Variants in DNAJC12 observed in about 807,000 individuals in gnomAD.
DNAJC12 encodes the protein dnaJ homolog subfamily C member 12.
Under a neutral mutation model 28.5 loss-of-function variants are expected in DNAJC12, and 25 were observed. That is an observed-to-expected ratio of 0.88 (90% CI 0.64 to 1.22). DNAJC12 has a LOEUF of 1.22. DNAJC12 is among the 50% of genes most tolerant of loss of function. DNAJC12 has a pLI of 0.00. For missense variants in DNAJC12, 222 were observed against 231.7 expected (o/e 0.96, Z 0.27); for synonymous variants, 77 against 80.6 (o/e 0.95, Z 0.24).
At chr10:67,821,006 C>T (rs1000914077) in intron 2 of DNAJC12, among the ~76,000 whole-genome samples, 2 of 151,500 alleles carry the variant, frequency 1.3e-5, no homozygotes, top group Non-Finnish European at 2.9e-5. Context: ...TGGTCTCGAA[C>T]TCCCGACCTC....
intron 4 of DNAJC12, among the ~76,000 whole-genome samples, chr10:67,799,312 G>A (rs1431608164): frequency 1.3e-5 from 2 of 152,072 alleles, no homozygotes; most frequent in African/African-American, 4.8e-5. Flanking sequence ...ACTTTTTAAA[G>A]AATTATTGGA....
intron 3 of DNAJC12, among the ~76,000 whole-genome samples, chr10:67,807,048 T>C (rs1841809818): frequency 6.6e-6 from 1 of 151,884 alleles, no homozygotes; most frequent in South Asian, 2.1e-4. Context: ...GATCACAAGG[T>C]CAGGAGTTCC....
intron 2 of DNAJC12, among the ~76,000 whole-genome samples, chr10:67,814,492 CA>C (rs775624906): frequency 2.0e-5 from 3 of 151,408 alleles, no homozygotes; most frequent in African/African-American, 4.8e-5. Context: ...GCACAAGCAA[CA>C]AAAGAAGAAA....
chr10:67,800,416 C>T, intron 4 of DNAJC12, among the ~76,000 whole-genome samples: 1 of 152,128 alleles, frequency 6.6e-6, no homozygotes. Flanking sequence ...AGTTATCTCA[C>T]ATGAGGGGTG....
rs1841794143 is a variant in DNAJC12 at position 67,805,738 on chromosome 10, G to C, written c.347C>G (p.Ser116Cys). ...RGKKDLMLEE[S>C]DKTHTTKMEN... Reference sequence around the variant, plus strand: ...CATCTTGGTGGTATGAGTCTTGTCAGATTCTTCCAGCATCAGGTCTTTTTT... The same window carrying C: ...CATCTTGGTGGTATGAGTCTTGTCACATTCTTCCAGCATCAGGTCTTTTTT... Residue 116 changes from serine (S) to cysteine (C), a missense_variant, in exon 4 of 5, where the codon TCT (serine) becomes TGT (cysteine). Ser to Cys is a moderately radical substitution (Grantham distance 112). Coordinates refer to ENST00000225171, the MANE Select transcript of DNAJC12 (RefSeq NM_021800.3). The C allele has an allele frequency of 6.2e-7, 1 of 1,610,346 alleles. No individual in the cohort carries two copies. Among genetic ancestry groups the C allele is most frequent in the South Asian group, 1.1e-5 (1 of 90,140 alleles).
chr10:67,819,151 G>C (rs890037373), intron 2 of DNAJC12, among the ~76,000 whole-genome samples: 1 of 151,800 alleles, frequency 6.6e-6, no homozygotes, highest in African/African-American at 2.4e-5. Flanking sequence ...AGCTAACAAG[G>C]TGAAACCCCG....
At chr10:67,822,303 A>G (rs570154900) in intron 2 of DNAJC12, among the ~76,000 whole-genome samples, 1 of 152,304 alleles carries the variant, frequency 6.6e-6, no homozygotes, top group East Asian at 1.9e-4. Context: ...ACTTTGTTTC[A>G]AGGAGGAAGG....
At chr10:67,807,513 G>T (rs545548194) in intron 3 of DNAJC12, among the ~76,000 whole-genome samples, 1 of 152,180 alleles carries the variant, frequency 6.6e-6, no homozygotes, top group Admixed American at 6.5e-5. Context: ...AATGACTTTT[G>T]TTTGGTTGGT....
At chr10:67,806,566 G>A (rs960605538) in intron 3 of DNAJC12, among the ~76,000 whole-genome samples, 1 of 152,104 alleles carries the variant, frequency 6.6e-6, no homozygotes, top group African/African-American at 2.4e-5. Context: ...GCTCATGCTT[G>A]TAATCCCAGC....
intron 2 of DNAJC12, among the ~76,000 whole-genome samples, chr10:67,820,002 G>A (rs527879186): frequency 6.6e-6 from 1 of 152,284 alleles, no homozygotes; most frequent in South Asian, 2.1e-4. Context: ...ACTGCCTGAC[G>A]TACAGGGTGC....
chr10:67,836,533 T>C (rs2131819379), intron 1 of DNAJC12, among the ~76,000 whole-genome samples: 1 of 152,330 alleles, frequency 6.6e-6, no homozygotes. Flanking sequence ...TGTTTGATAA[T>C]AGTATAATTT....
chr10:67,802,306 G>A (rs1841755125), intron 4 of DNAJC12, among the ~76,000 whole-genome samples: 1 of 152,140 alleles, frequency 6.6e-6, no homozygotes, highest in African/African-American at 2.4e-5. Context: ...AATTAGAGCC[G>A]AGAACCAGGG....
At chr10:67,815,803 T>C (rs1841910595) in intron 2 of DNAJC12, among the ~76,000 whole-genome samples, 1 of 152,218 alleles carries the variant, frequency 6.6e-6, no homozygotes, top group Non-Finnish European at 1.5e-5. Flanking sequence ...TTTCACATCA[T>C]TGTTGGCTTC....
chr10:67,799,816 G>A (rs1260361261), intron 4 of DNAJC12, among the ~76,000 whole-genome samples: 1 of 150,498 alleles, frequency 6.6e-6, no homozygotes, highest in Non-Finnish European at 1.5e-5. Flanking sequence ...CCAGGAGGCG[G>A]AGGTTGCAGT....
intron 4 of DNAJC12, among the ~76,000 whole-genome samples, chr10:67,805,054 C>A (rs75535325): frequency 0.023 from 3,474 of 151,974 alleles, 136 homozygotes; most frequent in African/African-American, 0.079. Flanking sequence ...AAATTAAATT[C>A]AATTCAATAA....
At chr10:67,837,581 T>C (rs1842152639) in intron 1 of DNAJC12, among the ~76,000 whole-genome samples, 1 of 152,128 alleles carries the variant, frequency 6.6e-6, no homozygotes, top group Non-Finnish European at 1.5e-5. Context: ...TGAGTCACCA[T>C]AATAAAGGTA....
In DNAJC12 at chr10:67,819,896, G is replaced by A. The variant is rs531945217; in HGVS notation, c.157+3418C>T. Among the ~76,000 whole-genome samples the A allele has an allele frequency of 5.3e-5, 8 of 152,122 alleles. No homozygotes were observed. The South Asian group carries it at 1.0e-3, about 20-fold the overall frequency. On this transcript the variant is annotated intron_variant, in intron 2 of 4. Transcript: ENST00000225171. ...AGTAAGTGCCATGCTAGGGGCATAC[G>A]ACTGTGAACAAGACAAGCAGGGCGT...
At chr10:67,836,129 A>G (rs1392111692) in intron 1 of DNAJC12, among the ~76,000 whole-genome samples, 1 of 152,094 alleles carries the variant, frequency 6.6e-6, no homozygotes, top group Non-Finnish European at 1.5e-5. Flanking sequence ...GTTCTCACTC[A>G]TAAGTGGGAG....
At chr10:67,808,043 G>T (rs1424695803) in intron 3 of DNAJC12, among the ~76,000 whole-genome samples, 1 of 152,152 alleles carries the variant, frequency 6.6e-6, no homozygotes, top group Non-Finnish European at 1.5e-5. Flanking sequence ...AAGCAGCCTG[G>T]TTTGCTGGGA....
Sources: gnomAD v4.1 joint callset for allele counts (sites outside exome capture counted in the v4.1 genomes callset) on GRCh38, gnomAD v4.1.1 for gene constraint, MANE v1.5 for transcripts, NCBI Gene and HGNC (gene_info 2026-07-23, HGNC 2026-07-21) for gene names.